Variants in DYNC1I1 observed in about 807,000 individuals in gnomAD.
DYNC1I1 encodes the protein cytoplasmic dynein 1 intermediate chain 1.
A neutral mutation model predicts 86.6 loss-of-function variants in DYNC1I1; 43 were observed. The observed-to-expected ratio is 0.50, with a 90% CI of 0.39 to 0.64. The LOEUF is 0.64. Ranked by LOEUF, DYNC1I1 falls within the 30% of genes least tolerant of loss-of-function variation. The pLI is 0.00. For missense variants in DYNC1I1, 604 were observed against 788.8 expected (o/e 0.77, Z 2.81); for synonymous variants, 262 against 283.7 (o/e 0.92, Z 0.77).
chr7:96,068,380 C>T (rs1352565941), intron 14 of DYNC1I1, among the ~76,000 whole-genome samples: 1 of 152,162 alleles, frequency 6.6e-6, no homozygotes, highest in Non-Finnish European at 1.5e-5. Context: ...TATCTGTACT[C>T]ATATTAAATA....
intron 16 of DYNC1I1, among the ~76,000 whole-genome samples, chr7:96,084,442 C>CTTTTTTTTTTTTTTTTTT (rs11369815): frequency 8.0e-5 from 10 of 124,716 alleles, no homozygotes; most frequent in African/African-American, 1.2e-4. Flanking sequence ...TTTTTCTTTT[C>CTTTTTTTTTTTTTTTTTT]TTTTTTTTTT....
chr7:95,891,323 T>TAAA (rs1238488726), intron 6 of DYNC1I1, among the ~76,000 whole-genome samples: 3 of 152,220 alleles, frequency 2.0e-5, no homozygotes, highest in African/African-American at 7.2e-5. Context: ...GATTGTGGGC[T>TAAA]TCAAAATAAA....
chr7:96,004,977 A>T lies in DYNC1I1; in HGVS notation c.969+8904A>T, dbSNP rs1794106163. ...ATGATTGCTCTTAGGAGAGGTTGGTATGTGATGTGTTGATTTTTAAATTAT... is the reference window on the plus strand; with the variant it reads ...ATGATTGCTCTTAGGAGAGGTTGGTTTGTGATGTGTTGATTTTTAAATTAT... On this transcript the variant is annotated intron_variant, in intron 10 of 16. Coordinates refer to ENST00000447467, the MANE Select transcript of DYNC1I1 (RefSeq NM_001135556.2). 2.0e-5 allele frequency among the ~76,000 whole-genome samples: 3 copies of T among 152,236 alleles called. No individual in the cohort carries two copies. In the South Asian group the frequency reaches 6.2e-4, roughly 31 times the overall value.
chr7:95,801,418 C>A (rs1562898309), intron 1 of DYNC1I1, among the ~76,000 whole-genome samples: 1 of 152,116 alleles, frequency 6.6e-6, no homozygotes, highest in Non-Finnish European at 1.5e-5. Flanking sequence ...AAATTCTTTG[C>A]AAGAAAATCA....
At chr7:95,806,305 A>G (rs1348548325) in intron 2 of DYNC1I1, among the ~76,000 whole-genome samples, 3 of 152,208 alleles carry the variant, frequency 2.0e-5, no homozygotes, top group Non-Finnish European at 4.4e-5. Context: ...GTGATGTGAT[A>G]TGGGAAATTT....
intron 10 of DYNC1I1, among the ~76,000 whole-genome samples, chr7:96,017,150 A>G (rs1308347667): frequency 6.6e-6 from 1 of 152,170 alleles, no homozygotes; most frequent in East Asian, 1.9e-4. Flanking sequence ...TCATACTTTC[A>G]TAAATCAAAG....
At chr7:95,894,826 G>A (rs1790835985) in intron 6 of DYNC1I1, among the ~76,000 whole-genome samples, 1 of 152,186 alleles carries the variant, frequency 6.6e-6, no homozygotes, top group South Asian at 2.1e-4. Flanking sequence ...GATGCTTGAA[G>A]AAGTCAGTTG....
chr7:95,810,965 A>C (rs1413020548), intron 3 of DYNC1I1, among the ~76,000 whole-genome samples: 1 of 152,174 alleles, frequency 6.6e-6, no homozygotes, highest in East Asian at 1.9e-4. Context: ...AGGCACAGTG[A>C]GAATTTGAAG....
intron 5 of DYNC1I1, among the ~76,000 whole-genome samples, chr7:95,834,938 AT>A (rs1482352970): frequency 6.6e-6 from 1 of 150,914 alleles, no homozygotes; most frequent in Admixed American, 6.6e-5. Context: ...GGATTCATTA[AT>A]TTTTTGAAGG....
At chr7:96,048,304 T>A (rs1789282455) in intron 14 of DYNC1I1, among the ~76,000 whole-genome samples, 2 of 152,228 alleles carry the variant, frequency 1.3e-5, no homozygotes, top group African/African-American at 4.8e-5. Flanking sequence ...AGGAATCTCC[T>A]GAATCTGACA....
At chr7:95,832,685 A>T (rs1234634334) in intron 5 of DYNC1I1, among the ~76,000 whole-genome samples, 2 of 151,828 alleles carry the variant, frequency 1.3e-5, no homozygotes, top group African/African-American at 4.8e-5. Flanking sequence ...ATGGTATCTC[A>T]TTGTGGTTTT....
In DYNC1I1 at chr7:95,941,935, G is replaced by T. The variant is rs147323320; in HGVS notation, c.491-35577G>T. On this transcript the variant is annotated intron_variant, in intron 6 of 16. Coordinates refer to ENST00000447467, the MANE Select transcript of DYNC1I1 (RefSeq NM_001135556.2). ...CTGTAGACCGGAGCTGTTCCTATTC[G>T]GCCATCTTGGCTCACAATTAAAAGA... Among the ~76,000 whole-genome samples the T allele has an allele frequency of 3.7e-3, 558 of 152,152 alleles. 4 individuals carry two copies. The highest frequency in any genetic ancestry group is 0.012 in the African/African-American group (518 of 41,496).
downstream of DYNC1I1, chr7:96,110,152 A>C: frequency 2.4e-6 from 1 of 410,416 alleles, no homozygotes; most frequent in South Asian, 1.8e-5. Context: ...AATTGTGGAT[A>C]TCTTTTAGTT....
At chr7:95,910,586 G>T (rs991137259) in intron 6 of DYNC1I1, among the ~76,000 whole-genome samples, 1 of 152,140 alleles carries the variant, frequency 6.6e-6, no homozygotes. Flanking sequence ...GGTGTGCTGG[G>T]GCCAGTAAGT....
chr7:95,773,148 G>A (rs889886827), intron 1 of DYNC1I1, among the ~76,000 whole-genome samples: 1 of 152,216 alleles, frequency 6.6e-6, no homozygotes, highest in South Asian at 2.1e-4. Context: ...CTGGGCCACC[G>A]GCTGACTGCC....
chr7:95,985,071 A>G, intron 8 of DYNC1I1, 94 bp downstream of exon 8: 1 of 1,534,498 alleles, frequency 6.5e-7, no homozygotes, highest in Middle Eastern at 1.7e-4. Context: ...CCAAATTAAG[A>G]AATCAGAGGA....
rs1793733301 is a variant in DYNC1I1, at chr7:95,772,674, GC to G, written c.-105del. 1 of 152,608 alleles carries G rather than the reference GC, an allele frequency of 6.6e-6. No homozygotes were observed. Among genetic ancestry groups the G allele is most frequent in the Non-Finnish European group, 1.5e-5 (1 of 68,084 alleles). 9.5% of individuals were successfully genotyped at this position (152,608 alleles called of 1,614,324 possible). The stretch of plus-strand genomic sequence containing the variant: ...GAGACAGCACATCCTGCCCGCGCCG[GC>G]CCCGCCACCTTCGGGAGCCGCCTGC... On this transcript the variant is annotated 5_prime_UTR_variant, in exon 1 of 17. Coordinates refer to ENST00000447467, the MANE Select transcript of DYNC1I1 (RefSeq NM_001135556.2).
intron 15 of DYNC1I1, among the ~76,000 whole-genome samples, chr7:96,077,024 T>TA: frequency 6.6e-6 from 1 of 152,250 alleles, no homozygotes; most frequent in Middle Eastern, 3.4e-3. Flanking sequence ...CTTTATAAAA[T>TA]AAAATGGTCT....
At chr7:95,815,757 T>C (rs1367751162) in intron 4 of DYNC1I1, among the ~76,000 whole-genome samples, 1 of 152,158 alleles carries the variant, frequency 6.6e-6, no homozygotes, top group Non-Finnish European at 1.5e-5. Context: ...GAATTTGAAC[T>C]CTTCAAAAAA....
Sources: allele counts gnomAD v4.1 joint callset (sites outside exome capture counted in the v4.1 genomes callset), GRCh38; gene constraint gnomAD v4.1.1; transcripts MANE v1.5; gene names NCBI Gene and HGNC (gene_info 2026-07-23, HGNC 2026-07-21).